Variants in TBX15 observed in about 807,000 individuals in gnomAD.
TBX15 encodes T-box transcription factor 15.
TBX15 carries 18 observed loss-of-function variants against 53.9 expected under a neutral mutation model. That is an observed-to-expected ratio of 0.33 (90% confidence interval 0.23 to 0.49). The LOEUF (loss-of-function observed/expected upper bound fraction) is 0.49, where lower values mean the gene tolerates loss of function less well. TBX15 is among the 20% of genes least tolerant of loss of function. The pLI, the probability that TBX15 is intolerant of heterozygous loss-of-function variation, is 0.98. For missense variants in TBX15, 692 were observed against 749.5 expected, an observed-to-expected ratio of 0.92 and a Z score of 0.90; for synonymous variants, 295 against 278.0, an observed-to-expected ratio of 1.06 and a Z score of -0.61.
chr1:118,987,557 G>A lies in TBX15; in HGVS notation c.205+34C>T, dbSNP rs577939924. 1,376 of 1,533,814 alleles carry A rather than the reference G, an allele frequency of 9.0e-4. 1 individual carries two copies. Among genetic ancestry groups the A allele is most frequent in the Non-Finnish European group, 1.1e-3 (1,243 of 1,142,156 alleles). On this transcript the variant is annotated intron_variant, in intron 1 of 7. Coordinates refer to ENST00000369429, the MANE Select transcript of TBX15 (RefSeq NM_001330677.2). ...ACTGGCCCTTCGGCGTCCCCTCTCC[G>A]CCCGCCTCCCGCGGTCGGCTGCGAC...
intron 1 of TBX15, among the ~76,000 whole-genome samples, chr1:118,958,375 G>A (rs976554532): frequency 6.6e-6 from 1 of 152,142 alleles, no homozygotes; most frequent in African/African-American, 2.4e-5. Flanking sequence ...AATTTCTGTT[G>A]TTTAAGGCTC....
At chr1:118,939,186 C>T (rs1571191120) in intron 1 of TBX15, among the ~76,000 whole-genome samples, 1 of 151,768 alleles carries the variant, frequency 6.6e-6, no homozygotes, top group African/African-American at 2.4e-5. Flanking sequence ...GCAGGCAGAT[C>T]GCTTGAGCCC....
At chr1:118,960,483 T>C (rs988432185) in intron 1 of TBX15, among the ~76,000 whole-genome samples, 1 of 152,158 alleles carries the variant, frequency 6.6e-6, no homozygotes, top group Non-Finnish European at 1.5e-5. Context: ...TTCTCCAAGC[T>C]TTGAGATCCA....
intron 1 of TBX15, among the ~76,000 whole-genome samples, chr1:118,966,375 A>T (rs984501778): frequency 6.6e-6 from 1 of 152,206 alleles, no homozygotes; most frequent in Admixed American, 6.5e-5. Flanking sequence ...AAAAGTAGAC[A>T]TTCTGGGCTT....
chr1:118,921,224 A>G (rs973886071), intron 5 of TBX15, among the ~76,000 whole-genome samples: 1 of 152,152 alleles, frequency 6.6e-6, no homozygotes, highest in African/African-American at 2.4e-5. Context: ...AGAATTGAAA[A>G]GAGTCATAAA....
Position 118,884,668 on chromosome 1 carries a change from G to A in TBX15, c.*64C>T. The stretch of plus-strand genomic sequence containing the variant: ...AAAGACACTGGACTCCCAAAGAGGA[G>A]GATCTGACCACGGAGACTCTGGGGC... On this transcript the variant is annotated 3_prime_UTR_variant, in exon 8 of 8. Coordinates refer to ENST00000369429, the MANE Select transcript of TBX15 (RefSeq NM_001330677.2). 6.2e-7 allele frequency: 1 copy of A among 1,600,188 alleles called. No individual in the cohort carries two copies. The highest frequency in any genetic ancestry group is 8.6e-7 in the Non-Finnish European group (1 of 1,169,290).
At chr1:118,916,739 A>C (rs962741674) in intron 5 of TBX15, among the ~76,000 whole-genome samples, 1 of 151,896 alleles carries the variant, frequency 6.6e-6, no homozygotes, top group Admixed American at 6.6e-5. Context: ...GGTGGTGTGC[A>C]CCTGTAGTCC....
intron 2 of TBX15, 112 bp from the exon 3 acceptor site, chr1:118,926,723 T>C: frequency 1.1e-6 from 1 of 930,094 alleles, no homozygotes; most frequent in Non-Finnish European, 1.7e-6. Context: ...GTTTGTTTTT[T>C]GAGATGGAGT....
intron 4 of TBX15, 106 bp from the exon 5 acceptor site, chr1:118,923,709 A>T: frequency 7.5e-7 from 1 of 1,341,644 alleles, no homozygotes; most frequent in Non-Finnish European, 1.1e-6. Context: ...AAAAGCACAG[A>T]TTGGAGGTGA....
At chr1:118,897,911 G>T (rs1046465865) in intron 7 of TBX15, among the ~76,000 whole-genome samples, 3 of 152,170 alleles carry the variant, frequency 2.0e-5, no homozygotes, top group Non-Finnish European at 4.4e-5. Context: ...TCGTCAGAAA[G>T]GCAATATTCC....
chr1:118,950,161 A>G (rs1344915376), intron 1 of TBX15, among the ~76,000 whole-genome samples: 2 of 152,232 alleles, frequency 1.3e-5, no homozygotes, highest in Non-Finnish European at 2.9e-5. Context: ...AAGAAATTGT[A>G]AAAGACTGCT....
intron 1 of TBX15, among the ~76,000 whole-genome samples, chr1:118,964,959 T>C (rs1208746719): frequency 1.3e-5 from 2 of 152,274 alleles, no homozygotes; most frequent in African/African-American, 2.4e-5. Flanking sequence ...GGTGTTCATT[T>C]CACACAGGTC....
At chr1:118,902,781 G>A (rs746962571) in intron 6 of TBX15, among the ~76,000 whole-genome samples, 34 of 152,060 alleles carry the variant, frequency 2.2e-4, no homozygotes, top group Non-Finnish European at 4.6e-4. Flanking sequence ...TCTTTTGAGA[G>A]TTCTTGCCAA....
At chr1:118,970,545 G>A (rs999044187) in intron 1 of TBX15, among the ~76,000 whole-genome samples, 1 of 152,212 alleles carries the variant, frequency 6.6e-6, no homozygotes, top group Admixed American at 6.5e-5. Flanking sequence ...AGGAAGGCAG[G>A]TCATAAGGCA....
At chr1:118,935,747 C>T (rs561195162) in intron 1 of TBX15, among the ~76,000 whole-genome samples, 1 of 152,194 alleles carries the variant, frequency 6.6e-6, no homozygotes, top group East Asian at 1.9e-4. Flanking sequence ...TAAGTTCCCA[C>T]AGAAAGTTGA....
intron 1 of TBX15, among the ~76,000 whole-genome samples, chr1:118,962,147 G>C (rs555343561): frequency 6.6e-6 from 1 of 152,238 alleles, no homozygotes; most frequent in South Asian, 2.1e-4. Context: ...TACACAAAAG[G>C]CACATTCATT....
chr1:118,952,587 C>A (rs991220929), intron 1 of TBX15, among the ~76,000 whole-genome samples: 3 of 152,100 alleles, frequency 2.0e-5, no homozygotes, highest in Non-Finnish European at 4.4e-5. Context: ...CCTGGGCCAA[C>A]CATCAGTTCC....
chr1:118,926,245 A>G (rs1246596693), intron 3 of TBX15, among the ~76,000 whole-genome samples: 1 of 152,216 alleles, frequency 6.6e-6, no homozygotes, highest in African/African-American at 2.4e-5. Context: ...TGTTAATTAA[A>G]TTAATTTTAG....
intron 1 of TBX15, among the ~76,000 whole-genome samples, chr1:118,961,156 T>A (rs911758765): frequency 9.9e-5 from 15 of 152,192 alleles, no homozygotes; most frequent in African/African-American, 3.6e-4. Flanking sequence ...GATTTCCTGG[T>A]TCCCCCTTCC....
Sources: allele counts gnomAD v4.1 joint callset (sites outside exome capture counted in the v4.1 genomes callset), GRCh38; gene constraint gnomAD v4.1.1; transcripts MANE v1.5; gene names NCBI Gene and HGNC (gene_info 2026-07-23, HGNC 2026-07-21).